The following CEMIP2 variants were observed in gnomAD, a reference collection of about 807,000 sequenced individuals.
CEMIP2 encodes cell surface hyaluronidase CEMIP2.
A neutral mutation model predicts 146.9 loss-of-function variants in CEMIP2; 79 were observed. That is an observed-to-expected ratio of 0.54 (90% CI 0.45 to 0.65). The LOEUF (loss-of-function observed/expected upper bound fraction) is 0.65. Among genes scored for constraint, CEMIP2 ranks in the 30% least tolerant of loss-of-function variants. CEMIP2 has a pLI of 0.00. For missense variants in CEMIP2, 1,596 were observed against 1,696.2 expected, an observed-to-expected ratio of 0.94 and a Z score of 1.04; for synonymous variants, 601 against 606.3, an observed-to-expected ratio of 0.99 and a Z score of 0.13.
chr9:71,695,479 A>G (rs1018317039), intron 20 of CEMIP2, among the ~76,000 whole-genome samples: 4 of 152,112 alleles, frequency 2.6e-5, no homozygotes, highest in Non-Finnish European at 5.9e-5. Context: ...GTTCAAGACC[A>G]GCCTGGTCAA....
chr9:71,701,226 C>T (rs1240117091), intron 18 of CEMIP2, among the ~76,000 whole-genome samples: 2 of 152,142 alleles, frequency 1.3e-5, no homozygotes, highest in Non-Finnish European at 2.9e-5. Context: ...CTGCCTCAGC[C>T]TCTCGAGTAG....
chr9:71,692,120 GA>G (rs1172373191), intron 21 of CEMIP2, among the ~76,000 whole-genome samples: 273 of 130,034 alleles, frequency 2.1e-3, no homozygotes, highest in African/African-American at 6.9e-3. Flanking sequence ...AAAAAAAAAA[GA>G]AAAAAAAAAA....
Position 71,722,369 on chromosome 9 carries a change from A to T in CEMIP2, c.2267+58T>A. ...AGAAAGAGCACAATAAACTCCAGTT[A>T]GAAAGTTTTGCTTTGGCAAAGTATA... On this transcript the variant is annotated intron_variant, in intron 12 of 23. Coordinates refer to ENST00000377044, the MANE Select transcript of CEMIP2 (RefSeq NM_013390.3). 5 of 1,305,610 alleles carry T rather than the reference A, an allele frequency of 3.8e-6. No individual in the cohort carries two copies. The South Asian group carries it at 6.4e-5, about 17-fold the overall frequency. 80.9% of individuals were successfully genotyped at this position (1,305,610 alleles called of 1,614,324 possible).
At chr9:71,691,405 G>A (rs1020281822) in intron 21 of CEMIP2, among the ~76,000 whole-genome samples, 5 of 139,258 alleles carry the variant, frequency 3.6e-5, no homozygotes, top group Admixed American at 2.2e-4. Flanking sequence ...GTGACAGAGT[G>A]AGACTCTGTC....
chr9:71,739,787 C>A (rs1823862725), intron 5 of CEMIP2, among the ~76,000 whole-genome samples: 2 of 151,994 alleles, frequency 1.3e-5, no homozygotes, highest in South Asian at 4.1e-4. Context: ...AGCCCATCAG[C>A]TATTATTAGT....
intron 15 of CEMIP2, among the ~76,000 whole-genome samples, chr9:71,714,701 A>T (rs926636558): frequency 2.0e-5 from 3 of 152,352 alleles, no homozygotes; most frequent in South Asian, 2.1e-4. Context: ...TGATAATTAA[A>T]TCTATGAAAT....
At position 71,750,115 on chromosome 9, in the gene CEMIP2, CA is replaced by C; in HGVS notation, c.258del (p.Phe86LeufsTer16). On this transcript the variant is annotated frameshift_variant, in exon 2 of 24. Coordinates refer to ENST00000377044, the MANE Select transcript of CEMIP2 (RefSeq NM_013390.3). LOFTEE classifies it high-confidence loss of function. ...QKRHKNTFICFAITSFSFFIA... is the reference protein window; with the variant it reads ...QKRHKNTFICXAITSFSFFIA... ...ATAAAAAATGAGAAACTAGTAATAGCAAAACAAATGAAAGTATTTTTGTGTC... is the reference window on the plus strand; with the variant it reads ...ATAAAAAATGAGAAACTAGTAATAGCAAACAAATGAAAGTATTTTTGTGTC... 1.2e-6 allele frequency: 2 copies of C among 1,613,666 alleles called. No homozygotes were observed. The highest frequency in any genetic ancestry group is 1.7e-6 in the Non-Finnish European group (2 of 1,179,920).
chr9:71,703,161 A>AG (rs1482932919), intron 18 of CEMIP2, among the ~76,000 whole-genome samples: 2 of 152,186 alleles, frequency 1.3e-5, no homozygotes, highest in Non-Finnish European at 2.9e-5. Flanking sequence ...AGAGATGGTG[A>AG]GGGCTTGACT....
intron 18 of CEMIP2, 122 bp downstream of exon 18, chr9:71,704,473 A>G (rs752262370): frequency 1.3e-4 from 127 of 969,276 alleles, no homozygotes; most frequent in Non-Finnish European, 1.9e-4. Context: ...CCTCCCCACA[A>G]GAGAAGCAAA....
At position 71,725,686 on chromosome 9, in the gene CEMIP2, G is replaced by A. The variant is rs2131948233; in HGVS notation, c.2073C>T (p.Phe691=). The A allele has an allele frequency of 1.9e-6, 3 of 1,613,652 alleles. No individual in the cohort carries two copies. Among genetic ancestry groups the A allele is most frequent in the South Asian group, 2.2e-5 (2 of 91,030 alleles). The part of the protein sequence containing the change: ...GSQDAGIWYL[F]HKEPTGESSG... ...TGGATTCCCCAGTTGGTTCCTTGTG[G>A]AATAAATACCATATTCCAGCATCCT... is the stretch of plus-strand genomic sequence containing the variant. The change falls in exon 11 of 24, where the codon TTC becomes TTT. Residue 691 remains phenylalanine (F), a synonymous_variant. Transcript: ENST00000377044.
chr9:71,740,011 C>T, intron 5 of CEMIP2, 52 bp downstream of exon 5: 1 of 1,490,634 alleles, frequency 6.7e-7, no homozygotes, highest in South Asian at 1.4e-5. Context: ...AAAAAAAAAT[C>T]TGTCATAATA....
intron 18 of CEMIP2, among the ~76,000 whole-genome samples, chr9:71,703,573 C>A (rs1038313061): frequency 6.6e-6 from 1 of 152,200 alleles, no homozygotes; most frequent in African/African-American, 2.4e-5. Flanking sequence ...CTCAGGTGAA[C>A]AAGCCATTTC....
intron 7 of CEMIP2, 31 bp downstream of exon 7, chr9:71,732,320 T>G: frequency 1.3e-6 from 2 of 1,526,220 alleles, no homozygotes; most frequent in East Asian, 2.3e-5. Flanking sequence ...CAACCAGGAT[T>G]TCAAAGAAAT....
intron 19 of CEMIP2, among the ~76,000 whole-genome samples, chr9:71,700,024 T>A (rs1023668757): frequency 2.6e-5 from 4 of 152,214 alleles, no homozygotes; most frequent in African/African-American, 7.2e-5. Context: ...ATAGGAGGAA[T>A]GTCTGCGTGA....
chr9:71,690,215 G>A lies in CEMIP2; in HGVS notation c.3728C>T (p.Ala1243Val), dbSNP rs1392711397. ...VNGTDFTFRSAGVLLLVVDPC... is the reference protein window; with the variant it reads ...VNGTDFTFRSVGVLLLVVDPC... ...ATCCACAACAAGGAGGAGGACGCCT[G>A]CACTTCGGAAGGTAAAGTCAGTGCC... The change falls in exon 22 of 24, where the codon GCA (alanine) becomes GTA (valine). Residue 1243 changes from alanine to valine, a missense_variant. By Grantham distance (64) the Ala-to-Val change is moderately conservative (BLOSUM62 0). Coordinates refer to ENST00000377044, the MANE Select transcript of CEMIP2 (RefSeq NM_013390.3). 2 of 1,614,136 alleles carry A rather than the reference G, an allele frequency of 1.2e-6. No individual in the cohort carries two copies. The highest frequency in any genetic ancestry group is 1.7e-5 in the Admixed American group (1 of 60,014).
intron 1 of CEMIP2, among the ~76,000 whole-genome samples, chr9:71,755,541 C>A (rs1824410302): frequency 6.6e-6 from 1 of 151,348 alleles, no homozygotes; most frequent in Admixed American, 6.6e-5. Flanking sequence ...GAGTAAGACT[C>A]TCTAAAAAAA....
At chr9:71,691,624 T>A (rs143130246) in intron 21 of CEMIP2, among the ~76,000 whole-genome samples, 26 of 152,156 alleles carry the variant, frequency 1.7e-4, no homozygotes, top group Non-Finnish European at 3.7e-4. Flanking sequence ...ACTGCCCCCA[T>A]GAAAAGTATC....
At chr9:71,766,435 T>G (rs542818160) in intron 1 of CEMIP2, among the ~76,000 whole-genome samples, 6 of 152,290 alleles carry the variant, frequency 3.9e-5, no homozygotes, top group African/African-American at 1.4e-4. Context: ...GCCCAAAGCA[T>G]GTAGCTCTAA....
At chr9:71,715,625 G>GAGAT (rs140408118) in intron 14 of CEMIP2, among the ~76,000 whole-genome samples, 4 of 119,068 alleles carry the variant, frequency 3.4e-5, no homozygotes, top group African/African-American at 8.6e-5. Flanking sequence ...TCCCTCTTAA[G>GAGAT]ATATATATAT....
Sources: allele counts gnomAD v4.1 joint callset (sites outside exome capture counted in the v4.1 genomes callset), GRCh38; gene constraint gnomAD v4.1.1; transcripts MANE v1.5; gene names NCBI Gene and HGNC (gene_info 2026-07-23, HGNC 2026-07-21).